The following PDZRN3 variants were observed in gnomAD, a reference collection of about 807,000 sequenced individuals.
The protein encoded by PDZRN3 is E3 ubiquitin-protein ligase PDZRN3.
PDZRN3 carries 38 observed loss-of-function variants against 85.7 expected under a neutral mutation model. The ratio of observed to expected loss-of-function variants is 0.44; its 90% confidence interval spans 0.34 to 0.58. The LOEUF is 0.58. PDZRN3 is among the 20% of genes least tolerant of loss of function. The pLI, the probability that PDZRN3 is intolerant of heterozygous loss-of-function variation, is 0.01. For missense variants in PDZRN3, 1,629 were observed against 1,506.4 expected, an observed-to-expected ratio of 1.08 and a Z score of -1.35; for synonymous variants, 759 against 638.0, an observed-to-expected ratio of 1.19 and a Z score of -2.86.
chr3:73,494,264 G>A (rs7611748), intron 3 of PDZRN3, among the ~76,000 whole-genome samples: 148,075 of 152,314 alleles, frequency 0.97, 72,083 homozygotes, highest in East Asian at 1. Flanking sequence ...AGAGAATTAA[G>A]AAGTAGAAGG....
chr3:73,574,459 G>GGGA (rs1702089934), intron 3 of PDZRN3, among the ~76,000 whole-genome samples: 1 of 140,024 alleles, frequency 7.1e-6, no homozygotes, highest in Admixed American at 7.1e-5. Flanking sequence ...GGCTGGGGTG[G>GGGA]GGGGGGTGGG....
chr3:73,518,034 G>T lies in PDZRN3; in HGVS notation c.918+84320C>A, dbSNP rs116209640. On this transcript the variant is annotated intron_variant, in intron 3 of 9. Transcript: ENST00000263666. ...TATACCCAAAAGAATGGAAAGCAGGGTCTTGAAGAGATATTTGGATGCCCA... is the reference window on the plus strand; with the variant it reads ...TATACCCAAAAGAATGGAAAGCAGGTTCTTGAAGAGATATTTGGATGCCCA... Among the ~76,000 whole-genome samples, 479 of 152,308 alleles carry T rather than the reference G, an allele frequency of 3.1e-3. 2 individuals carry two copies. The highest frequency in any genetic ancestry group is 0.011 in the African/African-American group (458 of 41,568).
At chr3:73,430,967 A>G (rs1702419117) in intron 3 of PDZRN3, among the ~76,000 whole-genome samples, 1 of 152,196 alleles carries the variant, frequency 6.6e-6, no homozygotes, top group African/African-American at 2.4e-5. Context: ...AATTTCTGGT[A>G]GGCAGAGGCC....
chr3:73,531,046 C>A (rs977963550), intron 3 of PDZRN3, among the ~76,000 whole-genome samples: 1 of 152,094 alleles, frequency 6.6e-6, no homozygotes, highest in South Asian at 2.1e-4. Flanking sequence ...GTCAGGAGAT[C>A]GAGACCATCC....
At chr3:73,464,354 C>T (rs149288453) in intron 3 of PDZRN3, among the ~76,000 whole-genome samples, 5 of 152,014 alleles carry the variant, frequency 3.3e-5, no homozygotes, top group African/African-American at 1.2e-4. Flanking sequence ...TGAGTAATAT[C>T]TTTTTTTGTC....
chr3:73,413,017 A>G (rs985880854), intron 3 of PDZRN3, among the ~76,000 whole-genome samples: 4 of 152,282 alleles, frequency 2.6e-5, no homozygotes, highest in Admixed American at 2.6e-4. Context: ...CCCTCGATAG[A>G]ATATGAGGAA....
intron 3 of PDZRN3, among the ~76,000 whole-genome samples, chr3:73,596,019 G>GA (rs1289030425): frequency 6.6e-6 from 1 of 152,100 alleles, no homozygotes; most frequent in African/African-American, 2.4e-5. Context: ...AGAGGTCCTT[G>GA]AAAAAAATGC....
chr3:73,437,617 G>T (rs1575653879), intron 3 of PDZRN3, among the ~76,000 whole-genome samples: 1 of 152,118 alleles, frequency 6.6e-6, no homozygotes, highest in Non-Finnish European at 1.5e-5. Flanking sequence ...TCGACTCATG[G>T]TTGAGTTTCC....
At chr3:73,572,380 C>A (rs934687403) in intron 3 of PDZRN3, among the ~76,000 whole-genome samples, 1 of 152,272 alleles carries the variant, frequency 6.6e-6, no homozygotes, top group Non-Finnish European at 1.5e-5. Context: ...GTGTTCTATT[C>A]CAGTATACTC....
At chr3:73,426,186 TAC>T in intron 3 of PDZRN3, among the ~76,000 whole-genome samples, 1 of 152,232 alleles carries the variant, frequency 6.6e-6, no homozygotes, top group East Asian at 1.9e-4. Flanking sequence ...TGCATATGTA[TAC>T]ATTATGTATA....
At chr3:73,402,904 G>C (rs1288761031) in intron 4 of PDZRN3, among the ~76,000 whole-genome samples, 1 of 151,440 alleles carries the variant, frequency 6.6e-6, no homozygotes. Flanking sequence ...AGCTGGAGAG[G>C]CTGTGTCCTC....
chr3:73,389,941 T>G, intron 6 of PDZRN3, 63 bp from the exon 7 acceptor site: 1 of 1,160,954 alleles, frequency 8.6e-7, no homozygotes, highest in Non-Finnish European at 1.3e-6. Flanking sequence ...GCAACAGCAC[T>G]TTCAAAACCA....
chr3:73,469,957 T>A (rs1006993921), intron 3 of PDZRN3, among the ~76,000 whole-genome samples: 2 of 152,188 alleles, frequency 1.3e-5, no homozygotes, highest in African/African-American at 4.8e-5. Context: ...CTGTACGTTG[T>A]AGGATGTCTA....
At chr3:73,506,010 T>C (rs1409255805) in intron 3 of PDZRN3, among the ~76,000 whole-genome samples, 1 of 151,890 alleles carries the variant, frequency 6.6e-6, no homozygotes, top group Non-Finnish European at 1.5e-5. Context: ...ACCATGGAAC[T>C]CAGGTACGGG....
At chr3:73,544,709 GA>G (rs1406919995) in intron 3 of PDZRN3, among the ~76,000 whole-genome samples, 1 of 149,984 alleles carries the variant, frequency 6.7e-6, no homozygotes, top group African/African-American at 2.5e-5. Flanking sequence ...TTAAATTACT[GA>G]AAAGACTGAG....
intron 3 of PDZRN3, among the ~76,000 whole-genome samples, chr3:73,575,346 C>T (rs989311614): frequency 1.3e-5 from 2 of 152,120 alleles, no homozygotes; most frequent in Non-Finnish European, 2.9e-5. Context: ...GGTTCAGAGA[C>T]CCCATTTTCA....
intron 1 of PDZRN3, among the ~76,000 whole-genome samples, chr3:73,612,410 C>T (rs1053120370): frequency 2.6e-5 from 4 of 152,330 alleles, no homozygotes; most frequent in Admixed American, 2.6e-4. Context: ...AAGGATCAGA[C>T]AATTAATTCA....
intron 5 of PDZRN3, among the ~76,000 whole-genome samples, chr3:73,395,991 T>C (rs1355511624): frequency 1.3e-5 from 2 of 152,020 alleles, no homozygotes; most frequent in African/African-American, 2.4e-5. Context: ...GGGAGGCCAT[T>C]GCAGACAGAT....
At chr3:73,528,297 A>G (rs1704572374) in intron 3 of PDZRN3, among the ~76,000 whole-genome samples, 1 of 152,176 alleles carries the variant, frequency 6.6e-6, no homozygotes, top group South Asian at 2.1e-4. Context: ...ACCGAAGGCC[A>G]GGGGAAGCTT....
Sources: gnomAD v4.1 joint callset for allele counts (sites outside exome capture counted in the v4.1 genomes callset) on GRCh38, gnomAD v4.1.1 for gene constraint, MANE v1.5 for transcripts, NCBI Gene and HGNC (gene_info 2026-07-23, HGNC 2026-07-21) for gene names.